Variants in BANP observed in about 807,000 individuals in gnomAD.
The protein encoded by BANP is BTG3 associated nuclear protein.
BANP carries 11 observed loss-of-function variants against 68.1 expected under a neutral mutation model. The observed-to-expected ratio is 0.16, with a 90% CI of 0.10 to 0.27. The LOEUF (loss-of-function observed/expected upper bound fraction) is 0.27, where lower values mean the gene tolerates loss of function less well. BANP is among the 10% of genes least tolerant of loss of function. The pLI is 1.00. For missense variants in BANP, 504 were observed against 722.7 expected (o/e 0.70, Z 3.47); for synonymous variants, 329 against 303.2 (o/e 1.09, Z -0.88).
chr16:87,979,369 G>A (rs2145969442), intron 2 of BANP, among the ~76,000 whole-genome samples: 1 of 152,314 alleles, frequency 6.6e-6, no homozygotes, highest in African/African-American at 2.4e-5. Context: ...GGTGCTGGGA[G>A]GGTGGTCTGC....
intron 6 of BANP, among the ~76,000 whole-genome samples, chr16:88,006,993 G>A (rs2071409115): frequency 6.7e-6 from 1 of 148,570 alleles, no homozygotes; most frequent in African/African-American, 2.5e-5. Context: ...GTATAAACAT[G>A]AAGATTAAAG....
At chr16:88,062,693 C>T (rs2087183224) in intron 11 of BANP, among the ~76,000 whole-genome samples, 1 of 152,224 alleles carries the variant, frequency 6.6e-6, no homozygotes, top group African/African-American at 2.4e-5. Flanking sequence ...CAATGAGCGG[C>T]TTCTGCATTC....
chr16:88,046,362 C>T (rs936855018), intron 11 of BANP, among the ~76,000 whole-genome samples: 7 of 152,146 alleles, frequency 4.6e-5, no homozygotes, highest in African/African-American at 1.7e-4. Flanking sequence ...GTCATCTGAA[C>T]CTCATCGCTG....
chr16:88,043,261 G>GGGTA (rs1189983447), intron 11 of BANP, among the ~76,000 whole-genome samples: 1 of 152,230 alleles, frequency 6.6e-6, no homozygotes, highest in South Asian at 2.1e-4. Context: ...CTCCAGGCAT[G>GGGTA]GGTAGCTCCT....
rs75356178 is a variant in BANP, at chr16:87,975,336, C to T, written c.70+151C>T. 3,634 of 758,262 alleles carry T rather than the reference C, an allele frequency of 4.8e-3. 104 individuals are homozygous for T. In the African/African-American group the frequency reaches 0.058, roughly 12 times the overall value. The allele number at this position is 758,262 out of a possible 1,614,324, so 47.0% of individuals were successfully genotyped here. On this transcript the variant is annotated intron_variant, in intron 2 of 13. Coordinates refer to ENST00000682872, the MANE Select transcript of BANP (RefSeq NM_001386991.1). ...TGAATCCTAGAGATGTGAACACTGT[C>T]GGCCCCTCCCTTCCCTCGCCCCTGC... is the stretch of plus-strand genomic sequence containing the variant.
In BANP at chr16:87,989,651, T is replaced by C. The variant is rs1354924321; in HGVS notation, c.362+5392T>C. Among the ~76,000 whole-genome samples, 19 of 73,904 alleles carry C rather than the reference T, an allele frequency of 2.6e-4. 2 individuals are homozygous for C. The highest frequency in any genetic ancestry group is 8.2e-4 in the East Asian group (2 of 2,450). The allele number at this position is 73,904 out of a possible 152,430, so 48.5% of individuals were successfully genotyped here. ...TCCAGGACACAGGACACAGGGCGGG[T>C]GATGGGGGATGCAGGCCCGCGTGGC... On this transcript the variant is annotated intron_variant, in intron 4 of 13. Transcript: ENST00000682872.
intron 1 of BANP, chr16:87,966,622 T>C (rs2060064900): frequency 1.3e-5 from 2 of 152,248 alleles, no homozygotes; most frequent in Non-Finnish European, 2.9e-5. Context: ...CAGGATTTTA[T>C]GGTGAGTTCA....
intron 1 of BANP, among the ~76,000 whole-genome samples, chr16:87,963,204 G>A (rs2059484420): frequency 6.6e-6 from 1 of 152,124 alleles, no homozygotes. Context: ...CTGGGAGCTT[G>A]GTGGCCGTGG....
At chr16:88,009,150 A>T (rs570481723) in intron 6 of BANP, among the ~76,000 whole-genome samples, 1 of 152,138 alleles carries the variant, frequency 6.6e-6, no homozygotes. Context: ...CAGCACTTCC[A>T]TGGGGGGTGC....
At chr16:88,033,398 C>T (rs2078628069) in intron 9 of BANP, among the ~76,000 whole-genome samples, 153 bp downstream of exon 9, 1 of 152,174 alleles carries the variant, frequency 6.6e-6, no homozygotes, top group African/African-American at 2.4e-5. Flanking sequence ...TAGAGGTCAT[C>T]GTGGCCATGA....
chr16:87,954,128 G>T (rs2057555940), intron 1 of BANP, among the ~76,000 whole-genome samples: 1 of 152,064 alleles, frequency 6.6e-6, no homozygotes, highest in Non-Finnish European at 1.5e-5. Flanking sequence ...AGGAGTTCCT[G>T]TTTGTGATGG....
At chr16:87,952,031 C>CA (rs1350505835) in intron 1 of BANP, 1 of 47,504 alleles carries the variant, frequency 2.1e-5, no homozygotes, top group Non-Finnish European at 3.7e-5. Context: ...GGGGCGCTCT[C>CA]GGGGACCGCA....
chr16:87,982,455 G>A (rs924639296), intron 3 of BANP, among the ~76,000 whole-genome samples: 20 of 152,208 alleles, frequency 1.3e-4, no homozygotes, highest in African/African-American at 4.6e-4. Flanking sequence ...TCCGGTTGTT[G>A]AAAATAGCGG....
Position 88,071,522 on chromosome 16 carries a change from G to A in BANP, c.1378-547G>A, listed in dbSNP as rs1224739373. 7 of 456,378 alleles carry A rather than the reference G, an allele frequency of 1.5e-5. 1 individual carries two copies. Among genetic ancestry groups the A allele is most frequent in the Admixed American group, 1.4e-4 (6 of 42,558 alleles). The allele number at this position is 456,378 out of a possible 1,614,324, so 28.3% of individuals were successfully genotyped here. On this transcript the variant is annotated intron_variant, in intron 12 of 13. Transcript: ENST00000682872. The surrounding 1 kb of genome is among the most constrained non-coding windows in gnomAD (Gnocchi z 6.5). ...CCAGGACTCACTTCCGCCCATCTTG[G>A]AACTGGGCCTCACTTTCCTGCGAGC...
At chr16:88,016,024 G>A (rs548670462) in intron 6 of BANP, among the ~76,000 whole-genome samples, 2 of 152,306 alleles carry the variant, frequency 1.3e-5, no homozygotes, top group African/African-American at 4.8e-5. Flanking sequence ...ATGGGCCTCC[G>A]CAGCCTCTGC....
intron 11 of BANP, among the ~76,000 whole-genome samples, chr16:88,061,218 G>C (rs2086682384): frequency 6.6e-6 from 1 of 152,166 alleles, no homozygotes; most frequent in African/African-American, 2.4e-5. Context: ...ACCTTTGTGT[G>C]AATGTGGGGT....
chr16:88,052,689 C>G (rs2083539317), intron 11 of BANP, among the ~76,000 whole-genome samples: 2 of 151,978 alleles, frequency 1.3e-5, no homozygotes, highest in South Asian at 4.1e-4. Flanking sequence ...TCACCACCAC[C>G]TCGACCACTA....
intron 2 of BANP, 131 bp downstream of exon 2, chr16:87,975,316 C>A: frequency 1.1e-6 from 1 of 914,160 alleles, no homozygotes. Context: ...AAGTTTGAAT[C>A]CTAGAGATGT....
intron 6 of BANP, among the ~76,000 whole-genome samples, chr16:88,006,881 G>T (rs1463232208): frequency 2.0e-5 from 3 of 151,004 alleles, no homozygotes; most frequent in African/African-American, 7.3e-5. Flanking sequence ...GAACCTGGGT[G>T]GCAGAGGTTG....
Sources: gnomAD v4.1 joint callset for allele counts (sites outside exome capture counted in the v4.1 genomes callset) on GRCh38, gnomAD v4.1.1 for gene constraint, Gnocchi (gnomAD v3.1) non-coding constraint, MANE v1.5 for transcripts, NCBI Gene and HGNC (gene_info 2026-07-23, HGNC 2026-07-21) for gene names.